Variants in HOXB9 observed in about 807,000 individuals in gnomAD.
HOXB9 encodes the protein homeobox protein Hox-B9.
In HOXB9, 10 loss-of-function variants were observed where a neutral mutation model predicts 21.5. That is an observed-to-expected ratio of 0.47 (90% CI 0.29 to 0.79). HOXB9 has a LOEUF of 0.79. Ranked by LOEUF, HOXB9 falls within the 30% of genes least tolerant of loss-of-function variation. The probability of loss-of-function intolerance (pLI) is 0.10; values close to 1 mark genes in which losing one functional copy is unlikely to be tolerated. For missense variants in HOXB9, 375 were observed against 338.7 expected (o/e 1.11, Z -0.84); for synonymous variants, 156 against 151.2 (o/e 1.03, Z -0.23).
At chr17:48,625,509 C>G (rs1251131368) in intron 1 of HOXB9, among the ~76,000 whole-genome samples, 7 of 152,348 alleles carry the variant, frequency 4.6e-5, no homozygotes, top group African/African-American at 1.7e-4. Context: ...GATCCCCGAG[C>G]CCCTGTTCCC....
rs539801869 is a variant in HOXB9 at position 48,626,128 on chromosome 17, G to C, written c.142C>G (p.Pro48Ala). ...GCTTTGGGCTGGAAGCTGCACGAGG[G>C]GAACTCCAGGTGCTCCGCGTGGCCC... ...QPGHAEHLEF[P>A]SCSFQPKAPV... is the part of the protein sequence containing the mutation. The change falls in exon 1 of 2, where the codon CCC (proline) becomes GCC (alanine). Residue 48 changes from proline (P) to alanine (A), a missense_variant. By Grantham distance (27) the Pro-to-Ala change is conservative (BLOSUM62 -1). Transcript: ENST00000311177. 8.7e-5 allele frequency: 138 copies of C among 1,589,282 alleles called. No individual in the cohort carries two copies. The East Asian group carries it at 3.1e-3, about 35-fold the overall frequency.
intron 1 of HOXB9, among the ~76,000 whole-genome samples, chr17:48,624,201 C>T (rs1377389016): frequency 1.3e-5 from 2 of 152,188 alleles, no homozygotes; most frequent in Admixed American, 6.5e-5. Context: ...GCTTCCTTCT[C>T]CCCAAGTGAA....
At position 48,626,254 on chromosome 17, in the gene HOXB9, T is replaced by C; in HGVS notation, c.16A>G (p.Thr6Ala). MSISG[T>A]LSSYYVDSII... Reference sequence around the variant, plus strand: ...GAGTCGACATAATAGCTGCTAAGCGTCCCAGAAATGGACATTCTCAGACAT... The same window carrying C: ...GAGTCGACATAATAGCTGCTAAGCGCCCCAGAAATGGACATTCTCAGACAT... Residue 6 changes from threonine to alanine, a missense_variant, in exon 1 of 2, where the codon ACG (threonine) becomes GCG (alanine). Transcript: ENST00000311177. 6.3e-7 allele frequency: 1 copy of C among 1,593,038 alleles called. No homozygotes were observed. The highest frequency in any genetic ancestry group is 8.5e-7 in the Non-Finnish European group (1 of 1,175,548).
intron 1 of HOXB9, among the ~76,000 whole-genome samples, chr17:48,623,481 C>T (rs1263582364): frequency 6.6e-6 from 1 of 152,218 alleles, no homozygotes; most frequent in African/African-American, 2.4e-5. Context: ...GCAGCACTCC[C>T]AGGCTGACTA....
intron 1 of HOXB9, among the ~76,000 whole-genome samples, chr17:48,625,273 C>CT (rs2070802371): frequency 6.6e-6 from 1 of 152,264 alleles, no homozygotes. Context: ...CCCCCTTCCC[C>CT]TTGGCCGGCT....
intron 1 of HOXB9, among the ~76,000 whole-genome samples, chr17:48,624,463 G>A (rs538881345): frequency 8.9e-4 from 135 of 152,256 alleles, no homozygotes; most frequent in African/African-American, 3.3e-3. Flanking sequence ...GGAGGGTTGG[G>A]GAAGAATGTG....
Position 48,626,049 on chromosome 17 carries a change from A to T in HOXB9, c.221T>A (p.Leu74Gln). ...GATGTAAGGGTGGTAGACGGACGGC[A>T]GGCTCCCGGACGCGTGCGGGCTCAG... ...APLSPHASGS[L>Q]PSVYHPYIQP... The change falls in exon 1 of 2, where the codon CTG becomes CAG. Residue 74 changes from leucine (L) to glutamine (Q), a missense_variant. Physicochemically the swap from Leu to Gln is moderately radical, Grantham distance 113. Transcript: ENST00000311177. 6 of 1,578,366 alleles carry T rather than the reference A, an allele frequency of 3.8e-6. No homozygotes were observed. The highest frequency in any genetic ancestry group is 5.1e-6 in the Non-Finnish European group (6 of 1,169,408).
rs1446316212 is a variant in HOXB9, at chr17:48,621,774, T to C, written c.*1126A>G. The C allele has an allele frequency of 6.6e-6, 1 of 152,330 alleles. No individual in the cohort carries two copies. Among genetic ancestry groups the C allele is most frequent in the African/African-American group, 2.4e-5 (1 of 41,482 alleles). The allele number at this position is 152,330 out of a possible 1,614,324, so 9.4% of individuals were successfully genotyped here. ...TCCCGGAAGGGAGCTTGGGAATCGA[T>C]TCACAATAAATTCTCATTCGGACTC... On this transcript the variant is annotated 3_prime_UTR_variant, in exon 2 of 2. Transcript: ENST00000311177.
chr17:48,625,902 C>T lies in HOXB9; in HGVS notation c.368G>A (p.Gly123Asp). 1 of 1,593,752 alleles carries T rather than the reference C, an allele frequency of 6.3e-7. No homozygotes were observed. The highest frequency in any genetic ancestry group is 2.3e-5 in the East Asian group (1 of 42,716). ...QAAVKAEPLL[G>D]APGELLKQGT... is the part of the protein sequence containing the mutation. Reference sequence around the variant, plus strand: ...CTGTTTGAGCAGCTCCCCAGGCGCGCCCAGCAGCGGCTCCGCCTTCACCGC... The same window carrying T: ...CTGTTTGAGCAGCTCCCCAGGCGCGTCCAGCAGCGGCTCCGCCTTCACCGC... The change falls in exon 1 of 2, where the codon GGC becomes GAC. Residue 123 changes from glycine (G) to aspartate (D), a missense_variant. Gly to Asp is a moderately conservative substitution (Grantham distance 94, BLOSUM62 -1). Coordinates refer to ENST00000311177, the MANE Select transcript of HOXB9 (RefSeq NM_024017.5).
In HOXB9 at chr17:48,626,000, G is replaced by C; in HGVS notation, c.270C>G (p.Ala90=). ...PYIQPQGVPP[A]ESRYLRTWLE... is the part of the protein sequence containing the mutation. ...GCCAGGTGCGGAGGTACCTGCTCTCGGCCGGCGGGACGCCCTGGGGCTGGA... is the reference window on the plus strand; with the variant it reads ...GCCAGGTGCGGAGGTACCTGCTCTCCGCCGGCGGGACGCCCTGGGGCTGGA... Residue 90 remains alanine (A), a synonymous_variant, in exon 1 of 2, where the codon GCC becomes GCG. Coordinates refer to ENST00000311177, the MANE Select transcript of HOXB9 (RefSeq NM_024017.5). 2 of 1,560,488 alleles carry C rather than the reference G, an allele frequency of 1.3e-6. No homozygotes were observed. Among genetic ancestry groups the C allele is most frequent in the East Asian group, 2.3e-5 (1 of 43,158 alleles).
chr17:48,624,065 G>T (rs927643797), intron 1 of HOXB9, among the ~76,000 whole-genome samples: 1 of 152,154 alleles, frequency 6.6e-6, no homozygotes, highest in African/African-American at 2.4e-5. Flanking sequence ...GAGGGTAACC[G>T]AGTGGAAGAG....
At chr17:48,625,626 TC>T in intron 1 of HOXB9, 126 bp downstream of exon 1, 1 of 1,180,216 alleles carries the variant, frequency 8.5e-7, no homozygotes, top group Non-Finnish European at 1.1e-6. Flanking sequence ...TCTCCCCTCC[TC>T]CTCCCGGCCC....
rs184642103 is a variant in HOXB9 at position 48,625,929 on chromosome 17, G to T, written c.341C>A (p.Ala114Glu). 1.3e-6 allele frequency: 2 copies of T among 1,561,660 alleles called. No individual in the cohort carries two copies. Among genetic ancestry groups the T allele is most frequent in the Admixed American group, 1.9e-5 (1 of 52,396 alleles). The change falls in exon 1 of 2, where the codon GCG becomes GAG. Residue 114 changes from alanine to glutamate, a missense_variant. Ala to Glu is a moderately radical substitution (Grantham distance 107). Transcript: ENST00000311177. ...RGEAAPGQGQ[A>E]AVKAEPLLGA... ...CAGCAGCGGCTCCGCCTTCACCGCC[G>T]CCTGGCCCTGCCCCGGGGCCGCTTC...
chr17:48,622,920 TATTC>T lies in HOXB9; in HGVS notation c.729_732del (p.Met243IlefsTer10). ...AATCTTTACTCTTTGCCCTGCTCCT[TATTC>T]ATTTTCTTCATTTTCATCCGCCGGT... On this transcript the variant is annotated frameshift_variant, in exon 2 of 2. Coordinates refer to ENST00000311177, the MANE Select transcript of HOXB9 (RefSeq NM_024017.5). LOFTEE classifies it high-confidence loss of function. 6.2e-7 allele frequency: 1 copy of T among 1,613,814 alleles called. No homozygotes were observed. Among genetic ancestry groups the T allele is most frequent in the Non-Finnish European group, 8.5e-7 (1 of 1,179,660 alleles).
In HOXB9 at chr17:48,622,152, T is replaced by C. The variant is rs566624961; in HGVS notation, c.*748A>G. ...AGGTGGGGAGTAGCTCCACCTAAGATAGCTTCATAAAACCACGTGCTGCCT... is the reference window on the plus strand; with the variant it reads ...AGGTGGGGAGTAGCTCCACCTAAGACAGCTTCATAAAACCACGTGCTGCCT... On this transcript the variant is annotated 3_prime_UTR_variant, in exon 2 of 2. Coordinates refer to ENST00000311177, the MANE Select transcript of HOXB9 (RefSeq NM_024017.5). 4 of 152,598 alleles carry C rather than the reference T, an allele frequency of 2.6e-5. No homozygotes were observed. Among genetic ancestry groups the C allele is most frequent in the Admixed American group, 1.3e-4 (2 of 15,304 alleles). The allele number at this position is 152,598 out of a possible 1,614,324, so 9.5% of individuals were successfully genotyped here. A position where few individuals can be genotyped will look rare whatever the true frequency, so the allele number is the denominator to read the frequency against.
rs1026427470 is a variant in HOXB9 at position 48,622,702 on chromosome 17, T to C, written c.*198A>G. 22 of 523,102 alleles carry C rather than the reference T, an allele frequency of 4.2e-5. No homozygotes were observed. In the South Asian group the frequency reaches 5.2e-4, roughly 12 times the overall value. The allele number at this position is 523,102 out of a possible 1,614,324, so 32.4% of individuals were successfully genotyped here. On this transcript the variant is annotated 3_prime_UTR_variant, in exon 2 of 2. Transcript: ENST00000311177. ...CTTCTAAATCAACAAAACTTTCTCC[T>C]GACACCTAGAGAGAAGAGAGAGACA...
chr17:48,624,832 G>T (rs1057473299), intron 1 of HOXB9, among the ~76,000 whole-genome samples: 2 of 152,130 alleles, frequency 1.3e-5, no homozygotes, highest in African/African-American at 4.8e-5. Context: ...GTGCTTTTGA[G>T]GAGTGGGAGG....
In HOXB9 at chr17:48,621,649, C is replaced by CG. The variant is rs1013799442; in HGVS notation, c.*1250dup. 16 of 152,280 alleles carry CG rather than the reference C, an allele frequency of 1.1e-4. No individual in the cohort carries two copies. The highest frequency in any genetic ancestry group is 3.9e-4 in the African/African-American group (16 of 41,464). 9.4% of individuals were successfully genotyped at this position (152,280 alleles called of 1,614,324 possible). A position where few individuals can be genotyped will look rare whatever the true frequency, so the allele number is the denominator to read the frequency against. On this transcript the variant is annotated 3_prime_UTR_variant, in exon 2 of 2. Transcript: ENST00000311177. ...GCGCTGGGGCTAGAGCCGCCAAGCCCGGGGCTTCTCTGCGTGGGTCGAGAA... is the reference window on the plus strand; with the variant it reads ...GCGCTGGGGCTAGAGCCGCCAAGCCCGGGGGCTTCTCTGCGTGGGTCGAGAA...
chr17:48,625,227 C>T (rs1156986550), intron 1 of HOXB9, among the ~76,000 whole-genome samples: 2 of 152,274 alleles, frequency 1.3e-5, no homozygotes, highest in Non-Finnish European at 2.9e-5. Flanking sequence ...CTCCGCCAAG[C>T]TGTTGCATCG....
Sources: gnomAD v4.1 joint callset for allele counts (sites outside exome capture counted in the v4.1 genomes callset) on GRCh38, gnomAD v4.1.1 for gene constraint, MANE v1.5 for transcripts, NCBI Gene and HGNC (gene_info 2026-07-23, HGNC 2026-07-21) for gene names.